The following DOCK1 variants were observed in gnomAD, a reference collection of about 807,000 sequenced individuals.
DOCK1 encodes the protein dedicator of cytokinesis protein 1.
Under a neutral mutation model 262.7 loss-of-function variants are expected in DOCK1, and 138 were observed. The observed-to-expected ratio is 0.53, with a 90% confidence interval of 0.46 to 0.61. The LOEUF (loss-of-function observed/expected upper bound fraction) is 0.61. Among genes scored for constraint, DOCK1 ranks in the 20% least tolerant of loss-of-function variants. The probability of loss-of-function intolerance (pLI) is 0.00; values close to 1 mark genes in which losing one functional copy is unlikely to be tolerated. For synonymous variants in DOCK1, 866 were observed against 867.4 expected, an observed-to-expected ratio of 1.00 and a Z score of 0.03; for missense variants, 1,908 against 2,370.7, an observed-to-expected ratio of 0.80 and a Z score of 4.05.
intron 27 of DOCK1, among the ~76,000 whole-genome samples, chr10:127,148,305 G>A (rs1175737189): frequency 5.9e-5 from 9 of 152,202 alleles, no homozygotes; most frequent in Non-Finnish European, 1.2e-4. Context: ...TGCTCCGGGA[G>A]GATGTGGTCA....
intron 29 of DOCK1, among the ~76,000 whole-genome samples, chr10:127,321,365 A>ATTTTTT (rs113267450): frequency 7.9e-6 from 1 of 127,194 alleles, no homozygotes. Context: ...TCTCTAGCTC[A>ATTTTTT]TTTTTTTTTT....
intron 27 of DOCK1, among the ~76,000 whole-genome samples, chr10:127,202,943 C>T (rs984036794): frequency 6.6e-6 from 1 of 152,208 alleles, no homozygotes; most frequent in African/African-American, 2.4e-5. Flanking sequence ...GCTGATGCTG[C>T]GTCCAGGCTG....
chr10:127,160,618 G>A (rs1564853397), intron 27 of DOCK1, among the ~76,000 whole-genome samples: 5 of 152,208 alleles, frequency 3.3e-5, no homozygotes, highest in African/African-American at 9.7e-5. Context: ...CCTTCTAAGT[G>A]TGGTCTTCAA....
intron 1 of DOCK1, among the ~76,000 whole-genome samples, chr10:126,946,095 T>C (rs985933218): frequency 7.2e-5 from 11 of 152,326 alleles, no homozygotes; most frequent in Non-Finnish European, 1.3e-4. Context: ...CATTAATTTT[T>C]TAAATTTATG....
At chr10:127,108,945 C>G (rs1226248742) in intron 24 of DOCK1, among the ~76,000 whole-genome samples, 1 of 152,144 alleles carries the variant, frequency 6.6e-6, no homozygotes, top group Non-Finnish European at 1.5e-5. Flanking sequence ...ATACAAAGAA[C>G]AGGCCTCTAG....
intron 43 of DOCK1, among the ~76,000 whole-genome samples, chr10:127,414,260 TAG>T (rs2068030855): frequency 6.6e-6 from 1 of 152,150 alleles, no homozygotes; most frequent in South Asian, 2.1e-4. Context: ...TGCTTAAGTC[TAG>T]ATTCCTGTTG....
intron 27 of DOCK1, among the ~76,000 whole-genome samples, chr10:127,222,018 C>T (rs976105019): frequency 2.7e-5 from 4 of 145,684 alleles, no homozygotes; most frequent in Non-Finnish European, 4.5e-5. Flanking sequence ...TTGCTTGCTG[C>T]GTAACAAAGT....
chr10:127,364,175 CA>C lies in DOCK1; in HGVS notation c.3432+1964del, dbSNP rs941657486. On this transcript the variant is annotated intron_variant, in intron 33 of 51. Transcript: ENST00000623213. Reference sequence around the variant, plus strand: ...CGCTGCATACAAACCTGGGCATGGCCATTTCGTCAGGGTTGTTCCGGAAGCC... The same window carrying C: ...CGCTGCATACAAACCTGGGCATGGCCTTTCGTCAGGGTTGTTCCGGAAGCC... Among the ~76,000 whole-genome samples, 6 of 152,246 alleles carry C rather than the reference CA, an allele frequency of 3.9e-5. No homozygotes were observed. The East Asian group carries it at 1.2e-3, about 30-fold the overall frequency.
chr10:126,982,144 A>G (rs1243313799), intron 4 of DOCK1, among the ~76,000 whole-genome samples, 171 bp downstream of exon 4: 1 of 152,142 alleles, frequency 6.6e-6, no homozygotes, highest in African/African-American at 2.4e-5. Context: ...AGTTGTGTTT[A>G]ACATGGCTTT....
chr10:126,933,366 T>C (rs2034324863), intron 1 of DOCK1, among the ~76,000 whole-genome samples: 1 of 152,164 alleles, frequency 6.6e-6, no homozygotes, highest in African/African-American at 2.4e-5. Context: ...TCCTTAAGGA[T>C]TTAACTTTTG....
intron 21 of DOCK1, among the ~76,000 whole-genome samples, chr10:127,050,385 T>C (rs1056609224): frequency 6.7e-6 from 1 of 148,348 alleles, no homozygotes; most frequent in African/African-American, 2.4e-5. Context: ...CCAATAGATA[T>C]TATAATACAT....
In DOCK1 at chr10:127,035,482, TTCC is replaced by T. The variant is rs537678172; in HGVS notation, c.1913-2236_1913-2234del. ...TGGGGGCTGGACAAGCCCTGTTTTC[TTCC>T]AGCACTCCCTTTGCTCCAAGGTGTT... On this transcript the variant is annotated intron_variant, in intron 18 of 51. Transcript: ENST00000623213. 1.1e-4 allele frequency among the ~76,000 whole-genome samples: 17 copies of T among 152,292 alleles called. 1 individual carries two copies. The South Asian group carries it at 3.5e-3, about 32-fold the overall frequency.
At chr10:127,095,512 T>A (rs1480398725) in intron 23 of DOCK1, among the ~76,000 whole-genome samples, 2 of 152,240 alleles carry the variant, frequency 1.3e-5, no homozygotes. Context: ...TAGCCAAGGC[T>A]GAAGGCAGAG....
At chr10:127,370,404 C>T (rs1447362989) in intron 33 of DOCK1, among the ~76,000 whole-genome samples, 1 of 152,160 alleles carries the variant, frequency 6.6e-6, no homozygotes, top group Non-Finnish European at 1.5e-5. Context: ...GGCCCAGCCT[C>T]CTGCTGCGCT....
chr10:127,311,859 AT>A (rs1009114596), intron 29 of DOCK1, among the ~76,000 whole-genome samples: 2 of 151,308 alleles, frequency 1.3e-5, no homozygotes, highest in East Asian at 3.9e-4. Context: ...CCTGTTTTTT[AT>A]TTTTTTTATT....
At chr10:127,342,320 G>T (rs1167872968) in intron 30 of DOCK1, among the ~76,000 whole-genome samples, 1 of 152,072 alleles carries the variant, frequency 6.6e-6, no homozygotes, top group African/African-American at 2.4e-5. Flanking sequence ...TTATTGACTG[G>T]CACTCCCCTT....
At chr10:126,919,163 G>C (rs1005156791) in intron 1 of DOCK1, among the ~76,000 whole-genome samples, 1 of 152,168 alleles carries the variant, frequency 6.6e-6, no homozygotes, top group African/African-American at 2.4e-5. Context: ...ACCCCATGCA[G>C]GCTGCTTAGA....
At position 126,963,633 on chromosome 10, in the gene DOCK1, C is replaced by CCTTCCTTCCTTCCTTCCTT. The variant is rs1491540313; in HGVS notation, c.47-7068_47-7067insTTCCTTCCTTCCTTCCTTC. Among the ~76,000 whole-genome samples the CCTTCCTTCCTTCCTTCCTT allele has an allele frequency of 2.6e-3, 172 of 65,860 alleles. 6 individuals are homozygous for CCTTCCTTCCTTCCTTCCTT. Among genetic ancestry groups the CCTTCCTTCCTTCCTTCCTT allele is most frequent in the African/African-American group, 0.013 (165 of 12,808 alleles). 43.2% of individuals were successfully genotyped at this position (65,860 alleles called of 152,430 possible). A position where few individuals can be genotyped will look rare whatever the true frequency, so the allele number is the denominator to read the frequency against. ...CCCTTCCCTTCCCTTCCCTTCCCTTCCCTTCCCTCCTTCCTTCCTTCCTTC... is the reference window on the plus strand; with the variant it reads ...CCCTTCCCTTCCCTTCCCTTCCCTTCCTTCCTTCCTTCCTTCCTTCCTTCCCTCCTTCCTTCCTTCCTTC... On this transcript the variant is annotated intron_variant, in intron 1 of 51. Transcript: ENST00000623213.
intron 12 of DOCK1, among the ~76,000 whole-genome samples, chr10:127,017,923 A>G (rs1355875321): frequency 6.6e-6 from 1 of 152,166 alleles, no homozygotes; most frequent in Admixed American, 6.5e-5. Context: ...CTCAGTATTT[A>G]TACAAACCAC....
Sources: allele counts gnomAD v4.1 joint callset (sites outside exome capture counted in the v4.1 genomes callset), GRCh38; gene constraint gnomAD v4.1.1; transcripts MANE v1.5; gene names NCBI Gene and HGNC (gene_info 2026-07-23, HGNC 2026-07-21).